The following CADPS variants were observed in gnomAD, a reference collection of about 807,000 sequenced individuals.
CADPS encodes the protein calcium-dependent secretion activator 1.
Under a neutral mutation model 167.3 loss-of-function variants are expected in CADPS, and 57 were observed. That is an observed-to-expected ratio of 0.34 (90% CI 0.28 to 0.42). CADPS has a LOEUF of 0.42. Ranked by LOEUF, CADPS falls within the 20% of genes least tolerant of loss-of-function variation. CADPS has a pLI of 1.00. For missense variants in CADPS, 1,414 were observed against 1,738.1 expected (o/e 0.81, Z 3.32); for synonymous variants, 676 against 635.3 (o/e 1.06, Z -0.96).
chr3:62,666,049 T>G (rs1355548), intron 3 of CADPS, among the ~76,000 whole-genome samples: 25,926 of 152,226 alleles, frequency 0.17, 2,444 homozygotes, highest in Middle Eastern at 0.24. Context: ...GATGGGACAG[T>G]GTCCCTCACT....
chr3:62,709,044 T>A (rs1379703606), intron 3 of CADPS, among the ~76,000 whole-genome samples: 1 of 150,020 alleles, frequency 6.7e-6, no homozygotes, highest in African/African-American at 2.5e-5. Context: ...AAGGTACTTA[T>A]AAGAGCCTAA....
intron 18 of CADPS, among the ~76,000 whole-genome samples, chr3:62,497,625 G>A (rs2065043101): frequency 6.6e-6 from 1 of 152,182 alleles, no homozygotes; most frequent in African/African-American, 2.4e-5. Flanking sequence ...GCGGATAGAT[G>A]CTGCATGAAT....
At chr3:62,843,345 C>T (rs1358265697) in intron 1 of CADPS, among the ~76,000 whole-genome samples, 1 of 152,036 alleles carries the variant, frequency 6.6e-6, no homozygotes, top group Non-Finnish European at 1.5e-5. Context: ...AGTGAAGTTA[C>T]TAAATATTGA....
chr3:62,795,784 G>T (rs371405032), intron 1 of CADPS, among the ~76,000 whole-genome samples: 37 of 152,288 alleles, frequency 2.4e-4, no homozygotes, highest in African/African-American at 8.2e-4. Context: ...CCACAGAAGG[G>T]CTCCTAACCA....
At chr3:62,843,309 A>G (rs1370511791) in intron 1 of CADPS, among the ~76,000 whole-genome samples, 5 of 152,260 alleles carry the variant, frequency 3.3e-5, no homozygotes, top group African/African-American at 9.6e-5. Flanking sequence ...GTTTATAACT[A>G]AAGCCACAAG....
intron 8 of CADPS, among the ~76,000 whole-genome samples, chr3:62,572,918 G>A (rs921799110): frequency 3.3e-5 from 5 of 152,022 alleles, no homozygotes; most frequent in East Asian, 1.9e-4. Context: ...GTTGCACTCC[G>A]TCACCCAGGC....
chr3:62,863,472 G>C (rs2081169020), intron 1 of CADPS, among the ~76,000 whole-genome samples: 1 of 152,144 alleles, frequency 6.6e-6, no homozygotes, highest in Admixed American at 6.5e-5. Flanking sequence ...TTATAACTGA[G>C]TGTTACCTTC....
chr3:62,597,535 T>C (rs1207398072), intron 6 of CADPS, among the ~76,000 whole-genome samples: 1 of 152,174 alleles, frequency 6.6e-6, no homozygotes, highest in African/African-American at 2.4e-5. Context: ...TCCATGCTAC[T>C]GTCCTCAGTG....
chr3:62,454,983 G>A (rs1576299838), intron 26 of CADPS, among the ~76,000 whole-genome samples: 1 of 152,194 alleles, frequency 6.6e-6, no homozygotes, highest in Middle Eastern at 3.4e-3. Flanking sequence ...GCAAGGAAAT[G>A]ATCTCTATTA....
chr3:62,450,027 C>T (rs776978004), intron 26 of CADPS, among the ~76,000 whole-genome samples: 41 of 152,312 alleles, frequency 2.7e-4, no homozygotes, highest in Non-Finnish European at 5.4e-4. Context: ...ATCATCATTA[C>T]TGGTAATATT....
chr3:62,724,196 T>C (rs1349119175), intron 3 of CADPS, among the ~76,000 whole-genome samples: 1 of 152,182 alleles, frequency 6.6e-6, no homozygotes, highest in East Asian at 1.9e-4. Context: ...GCACTTTCAT[T>C]CACCATGGGC....
In CADPS at chr3:62,692,085, CA is replaced by C. The variant is rs1580530366; in HGVS notation, c.889-29692del. On this transcript the variant is annotated intron_variant, in intron 3 of 29. Coordinates refer to ENST00000383710, the MANE Select transcript of CADPS (RefSeq NM_003716.4). ...GAAATTTTCAACACCACTGTCTTTA[CA>C]AAAACTCTTGAAATATGGATGATGG... Among the ~76,000 whole-genome samples, 3 of 151,822 alleles carry C rather than the reference CA, an allele frequency of 2.0e-5. No homozygotes were observed. In the East Asian group the frequency reaches 6.1e-4, roughly 31 times the overall value.
intron 1 of CADPS, among the ~76,000 whole-genome samples, chr3:62,833,602 A>AC (rs1230623692): frequency 6.6e-6 from 1 of 152,050 alleles, no homozygotes; most frequent in Non-Finnish European, 1.5e-5. Flanking sequence ...TGGGGTTTAC[A>AC]CTGGTATAAT....
chr3:62,746,233 C>A (rs2081417872), intron 3 of CADPS, among the ~76,000 whole-genome samples: 1 of 152,088 alleles, frequency 6.6e-6, no homozygotes, highest in African/African-American at 2.4e-5. Flanking sequence ...TAGTATATGA[C>A]AAGAATGAGG....
chr3:62,424,464 T>A (rs996369037), intron 28 of CADPS, among the ~76,000 whole-genome samples: 4 of 152,154 alleles, frequency 2.6e-5, no homozygotes, highest in African/African-American at 9.7e-5. Context: ...ACTACAGGCA[T>A]GAGCCACCGC....
intron 1 of CADPS, among the ~76,000 whole-genome samples, chr3:62,822,009 C>T (rs1270227772): frequency 6.6e-6 from 1 of 152,286 alleles, no homozygotes; most frequent in East Asian, 1.9e-4. Flanking sequence ...TGCTTCATCT[C>T]ATGACCATCC....
At chr3:62,659,810 G>A (rs986965330) in intron 4 of CADPS, among the ~76,000 whole-genome samples, 1 of 152,158 alleles carries the variant, frequency 6.6e-6, no homozygotes. Flanking sequence ...TATAGCAAGG[G>A]GGCCACTGGC....
At chr3:62,644,733 C>T (rs2068156872) in intron 6 of CADPS, among the ~76,000 whole-genome samples, 1 of 152,146 alleles carries the variant, frequency 6.6e-6, no homozygotes, top group Non-Finnish European at 1.5e-5. Flanking sequence ...TGCTCTCCAC[C>T]CATCCCCACT....
At chr3:62,461,695 C>T (rs545911832) in intron 26 of CADPS, among the ~76,000 whole-genome samples, 4 of 152,316 alleles carry the variant, frequency 2.6e-5, no homozygotes, top group South Asian at 2.1e-4. Flanking sequence ...GAGCTTAAGT[C>T]GCTCATGTCC....
Sources: gnomAD v4.1 joint callset for allele counts (sites outside exome capture counted in the v4.1 genomes callset) on GRCh38, gnomAD v4.1.1 for gene constraint, MANE v1.5 for transcripts, NCBI Gene and HGNC (gene_info 2026-07-23, HGNC 2026-07-21) for gene names.